Variants in VSTM2B observed in about 807,000 individuals in gnomAD.
VSTM2B encodes the protein V-set and transmembrane domain containing 2B.
In VSTM2B, 24 loss-of-function variants were observed where a neutral mutation model predicts 24.0. The observed-to-expected ratio is 1.00, with a 90% CI of 0.72 to 1.40. The LOEUF (loss-of-function observed/expected upper bound fraction) is 1.40. Ranked by LOEUF, VSTM2B falls within the 40% of genes most tolerant of loss-of-function variation. VSTM2B has a pLI of 0.00. For synonymous variants in VSTM2B, 226 were observed against 194.4 expected, an observed-to-expected ratio of 1.16 and a Z score of -1.35; for missense variants, 399 against 416.4, an observed-to-expected ratio of 0.96 and a Z score of 0.36.
At chr19:29,545,934 G>A (rs1055392288) in intron 4 of VSTM2B, among the ~76,000 whole-genome samples, 22 of 152,236 alleles carry the variant, frequency 1.4e-4, no homozygotes, top group South Asian at 2.1e-4. Context: ...TGGGCTATCA[G>A]TGACTGGCTT....
chr19:29,528,910 T>C (rs1969653717), intron 3 of VSTM2B: 9 of 985,300 alleles, frequency 9.1e-6, no homozygotes, highest in Non-Finnish European at 9.6e-6. Context: ...ATCCTCCGCC[T>C]GGATTGCGGG....
Position 29,537,751 on chromosome 19 carries a change from T to TCTCCCGCACCCACCTACC in VSTM2B, c.769+7473_769+7474insCCTACCCTCCCGCACCCA, listed in dbSNP as rs756704106. ...CACCTACTCTCCCGCACCCACCTAC[T>TCTCCCGCACCCACCTACC]CTCCCGCACCCATGGGCCCTGCTCC... On this transcript the variant is annotated intron_variant, in intron 4 of 4. Transcript: ENST00000335523. Among the ~76,000 whole-genome samples the TCTCCCGCACCCACCTACC allele has an allele frequency of 3.0e-3, 362 of 119,534 alleles. 4 individuals are homozygous for TCTCCCGCACCCACCTACC. Among genetic ancestry groups the TCTCCCGCACCCACCTACC allele is most frequent in the Middle Eastern group, 0.012 (3 of 260 alleles). 78.4% of individuals were successfully genotyped at this position (119,534 alleles called of 152,430 possible). A position where few individuals can be genotyped will look rare whatever the true frequency, so the allele number is the denominator to read the frequency against.
In VSTM2B at chr19:29,529,818, G is replaced by A; in HGVS notation, c.298-1G>A. The A allele has an allele frequency of 6.5e-7, 1 of 1,549,112 alleles. No individual in the cohort carries two copies. Among genetic ancestry groups the A allele is most frequent in the South Asian group, 1.2e-5 (1 of 83,634 alleles). ...CGGCCTCTAACCCTGCTCTCTTGCAGACCGTACGCGTCCAGGGCAATGACA... is the reference window on the plus strand; with the variant it reads ...CGGCCTCTAACCCTGCTCTCTTGCAAACCGTACGCGTCCAGGGCAATGACA... On this transcript the variant is annotated splice_acceptor_variant, in intron 3 of 4. Transcript: ENST00000335523. LOFTEE classifies it high-confidence loss of function.
rs763904112 is a variant in VSTM2B at position 29,527,211 on chromosome 19, C to G, written c.83C>G (p.Ala28Gly). 8.8e-5 allele frequency: 136 copies of G among 1,547,778 alleles called. No individual in the cohort carries two copies. In the Middle Eastern group the frequency reaches 1.3e-3, roughly 15 times the overall value. The change falls in exon 2 of 5, where the codon GCT becomes GGT. Residue 28 changes from alanine to glycine, a missense_variant and splice_region_variant. Physicochemically the swap from Ala to Gly is moderately conservative, Grantham distance 60. Coordinates refer to ENST00000335523, the MANE Select transcript of VSTM2B (RefSeq NM_001146339.2). ...LHALLLFVAD[A>G]AFTEVPKDVT... ...CCTCTCTCTCTCTCCCCACCCCCAG[C>G]TGCATTCACAGAAGTCCCCAAAGAT...
chr19:29,540,360 G>A (rs916559332), intron 4 of VSTM2B, among the ~76,000 whole-genome samples: 15 of 152,246 alleles, frequency 9.9e-5, no homozygotes, highest in African/African-American at 3.6e-4. Context: ...CAGAAATGGT[G>A]GGCTACCAGG....
chr19:29,531,959 T>C (rs1199852636), intron 4 of VSTM2B, among the ~76,000 whole-genome samples: 2 of 152,194 alleles, frequency 1.3e-5, no homozygotes, highest in African/African-American at 4.8e-5. Flanking sequence ...GGGCATGACA[T>C]AGAGCCAGCA....
chr19:29,547,488 C>T (rs1210908938), intron 4 of VSTM2B, among the ~76,000 whole-genome samples: 3 of 152,210 alleles, frequency 2.0e-5, no homozygotes, highest in African/African-American at 7.2e-5. Flanking sequence ...GGTCTGGTCC[C>T]TGACATCTGC....
chr19:29,550,952 G>A (rs955393199), intron 4 of VSTM2B, among the ~76,000 whole-genome samples: 2 of 152,198 alleles, frequency 1.3e-5, no homozygotes, highest in Admixed American at 6.5e-5. Context: ...CCAGTGGAGA[G>A]GGCTGCAGCT....
chr19:29,541,583 G>C (rs375399648), intron 4 of VSTM2B, among the ~76,000 whole-genome samples: 2 of 152,090 alleles, frequency 1.3e-5, no homozygotes, highest in African/African-American at 4.8e-5. Flanking sequence ...ATAATGAATG[G>C]ATGGAATAAT....
At position 29,527,245 on chromosome 19, in the gene VSTM2B, A is replaced by G. The variant is rs1485948283; in HGVS notation, c.117A>G (p.Val39=). 1.3e-6 allele frequency: 2 copies of G among 1,549,970 alleles called. No homozygotes were observed. The highest frequency in any genetic ancestry group is 2.4e-5 in the South Asian group (2 of 83,852). Residue 39 remains valine, a synonymous_variant, in exon 2 of 5, where the codon GTA becomes GTG. Coordinates refer to ENST00000335523, the MANE Select transcript of VSTM2B (RefSeq NM_001146339.2). ...AFTEVPKDVT[V]REGDDIEMPC... is the part of the protein sequence containing the mutation. Reference sequence around the variant, plus strand: ...CAGAAGTCCCCAAAGATGTGACAGTACGGGAGGGAGACGACATCGAAATGC... The same window carrying G: ...CAGAAGTCCCCAAAGATGTGACAGTGCGGGAGGGAGACGACATCGAAATGC...
intron 4 of VSTM2B, among the ~76,000 whole-genome samples, chr19:29,548,758 A>C (rs2068396364): frequency 6.6e-6 from 1 of 152,140 alleles, no homozygotes; most frequent in Non-Finnish European, 1.5e-5. Flanking sequence ...CCAGCCCCCT[A>C]CATGAAGGAA....
intron 2 of VSTM2B, 121 bp from the exon 3 acceptor site, chr19:29,528,312 C>A (rs1265224262): frequency 2.4e-6 from 3 of 1,245,358 alleles, no homozygotes; most frequent in Admixed American, 2.1e-5. Flanking sequence ...CAACCCCCAT[C>A]CCCCGGGCGG....
In VSTM2B at chr19:29,564,363, C is replaced by CT. The variant is rs1970601518; in HGVS notation, c.*433dup. ...TTAATTTACTTTTTTTCTTTGGGGG[C>CT]TTTTCTTTTTTATTAAATTATTTCT... On this transcript the variant is annotated 3_prime_UTR_variant, in exon 5 of 5. Transcript: ENST00000335523. The CT allele has an allele frequency of 6.6e-6, 1 of 151,602 alleles. No homozygotes were observed. Among genetic ancestry groups the CT allele is most frequent in the African/African-American group, 2.4e-5 (1 of 41,128 alleles). The allele number at this position is 151,602 out of a possible 1,614,324, so 9.4% of individuals were successfully genotyped here. A position where few individuals can be genotyped will look rare whatever the true frequency, so the allele number is the denominator to read the frequency against.
chr19:29,563,441 C>T (rs1970580560), intron 4 of VSTM2B, among the ~76,000 whole-genome samples: 1 of 151,964 alleles, frequency 6.6e-6, no homozygotes, highest in Non-Finnish European at 1.5e-5. Context: ...TGGGGTCTCA[C>T]TATGTTGCCC....
At position 29,530,052 on chromosome 19, in the gene VSTM2B, C is replaced by A; in HGVS notation, c.531C>A (p.Ala177=). The change falls in exon 4 of 5, where the codon GCC becomes GCA. Residue 177 remains alanine (A), a synonymous_variant. Transcript: ENST00000335523. ...GCGGCCCGCGTCGCCACGGCCCAGC[C>A]AGCGCCGCCAACGCCAACAACGCGG... ...QSSGPRRHGP[A]SAANANNAGA... 6.6e-7 allele frequency: 1 copy of A among 1,517,440 alleles called. No individual in the cohort carries two copies. The highest frequency in any genetic ancestry group is 8.8e-7 in the Non-Finnish European group (1 of 1,139,366). 94.0% of individuals were successfully genotyped at this position (1,517,440 alleles called of 1,614,324 possible). A position where few individuals can be genotyped will look rare whatever the true frequency, so the allele number is the denominator to read the frequency against.
intron 4 of VSTM2B, among the ~76,000 whole-genome samples, chr19:29,535,240 AAG>A (rs979586436): frequency 6.6e-6 from 1 of 152,094 alleles, no homozygotes; most frequent in Non-Finnish European, 1.5e-5. Context: ...ATTTCTAGAA[AAG>A]AGAGAGAGAG....
chr19:29,544,637 A>G (rs1164992862), intron 4 of VSTM2B, among the ~76,000 whole-genome samples: 2 of 151,876 alleles, frequency 1.3e-5, no homozygotes, highest in African/African-American at 2.4e-5. Context: ...TTGTGAAATC[A>G]TCTTGAGAAA....
chr19:29,538,788 G>A (rs1165149754), intron 4 of VSTM2B, among the ~76,000 whole-genome samples: 9 of 152,244 alleles, frequency 5.9e-5, no homozygotes, highest in Non-Finnish European at 4.4e-5. Flanking sequence ...GTCATGTGAA[G>A]TAACAGAGTA....
intron 4 of VSTM2B, among the ~76,000 whole-genome samples, chr19:29,561,299 G>A (rs753236449): frequency 3.3e-5 from 5 of 150,866 alleles, no homozygotes; most frequent in Admixed American, 6.6e-5. Context: ...GTGACAGAGT[G>A]AGACTCCATC....
Sources: allele counts gnomAD v4.1 joint callset (sites outside exome capture counted in the v4.1 genomes callset), GRCh38; gene constraint gnomAD v4.1.1; transcripts MANE v1.5; gene names NCBI Gene and HGNC (gene_info 2026-07-23, HGNC 2026-07-21).